Variants in FIG4 observed in about 807,000 individuals in gnomAD.
FIG4 encodes the protein polyphosphoinositide phosphatase.
FIG4 carries 112 observed loss-of-function variants against 118.6 expected under a neutral mutation model. The observed-to-expected ratio is 0.94, with a 90% CI of 0.81 to 1.11. The LOEUF (loss-of-function observed/expected upper bound fraction) is 1.11. Ranked by LOEUF, FIG4 falls within the 50% of genes least tolerant of loss-of-function variation. FIG4 has a pLI of 0.00. For synonymous variants in FIG4, 369 were observed against 381.2 expected (o/e 0.97, Z 0.37); for missense variants, 969 against 1,111.7 (o/e 0.87, Z 1.83).
chr6:109,753,639 T>G (rs374610534), intron 10 of FIG4, among the ~76,000 whole-genome samples: 1 of 152,212 alleles, frequency 6.6e-6, no homozygotes, highest in East Asian at 1.9e-4. Flanking sequence ...TTTGTAGTCC[T>G]CCTTGAAGAG....
chr6:109,720,575 C>A, intron 3 of FIG4, among the ~76,000 whole-genome samples: 1 of 152,194 alleles, frequency 6.6e-6, no homozygotes, highest in Non-Finnish European at 1.5e-5. Flanking sequence ...ACCAACACCA[C>A]ATGTGACTTA....
chr6:109,722,250 A>G (rs916074546), intron 3 of FIG4, among the ~76,000 whole-genome samples: 18 of 151,854 alleles, frequency 1.2e-4, no homozygotes, highest in African/African-American at 4.3e-4. Context: ...TTTTTAAAAA[A>G]CACTTTGTGT....
intron 1 of FIG4, among the ~76,000 whole-genome samples, chr6:109,695,826 G>A (rs1442385842): frequency 7.9e-5 from 12 of 152,172 alleles, no homozygotes. Flanking sequence ...GCTCTTGTCT[G>A]CAGCTGATCT....
intron 22 of FIG4, among the ~76,000 whole-genome samples, chr6:109,801,823 C>T (rs1373663913): frequency 6.6e-6 from 1 of 152,204 alleles, no homozygotes; most frequent in Non-Finnish European, 1.5e-5. Context: ...ACACATTCTT[C>T]ACATACAAGT....
At chr6:109,784,464 C>T (rs903652688) in intron 16 of FIG4, among the ~76,000 whole-genome samples, 1 of 152,184 alleles carries the variant, frequency 6.6e-6, no homozygotes, top group Non-Finnish European at 1.5e-5. Context: ...CTAATTCGTT[C>T]CTTAATGATT....
At chr6:109,795,094 AGTTTTTTTTT>A (rs1778240413) in intron 21 of FIG4, among the ~76,000 whole-genome samples, 3 of 77,214 alleles carry the variant, frequency 3.9e-5, no homozygotes, top group African/African-American at 1.2e-4. Context: ...TACACTTGCC[AGTTTTTTTTT>A]TTTTTTTTTT....
chr6:109,786,570 AC>A, intron 18 of FIG4, 121 bp downstream of exon 18: 3 of 959,910 alleles, frequency 3.1e-6, no homozygotes, highest in Non-Finnish European at 3.3e-6. Context: ...TGGGTAGTCC[AC>A]CTTTGAATAC....
At chr6:109,711,595 T>A (rs1775264657) in intron 1 of FIG4, among the ~76,000 whole-genome samples, 3 of 152,144 alleles carry the variant, frequency 2.0e-5, no homozygotes, top group Admixed American at 1.3e-4. Flanking sequence ...AACCCCTGCT[T>A]TTTTCTGTTT....
intron 16 of FIG4, among the ~76,000 whole-genome samples, chr6:109,783,211 G>T (rs920089205): frequency 6.6e-6 from 1 of 152,120 alleles, no homozygotes; most frequent in African/African-American, 2.4e-5. Context: ...AAACCACTAT[G>T]GCACACATTT....
chr6:109,725,179 T>C (rs1399060326), intron 3 of FIG4, among the ~76,000 whole-genome samples: 2 of 152,162 alleles, frequency 1.3e-5, no homozygotes, highest in African/African-American at 4.8e-5. Flanking sequence ...GGTGGTTTGC[T>C]GTACCTATCA....
chr6:109,797,250 T>C (rs936894806), intron 22 of FIG4, among the ~76,000 whole-genome samples: 1 of 152,232 alleles, frequency 6.6e-6, no homozygotes, highest in Non-Finnish European at 1.5e-5. Context: ...TTGCTGTAAG[T>C]TAAACAGGTG....
chr6:109,773,020 G>T (rs1477329635), intron 15 of FIG4, among the ~76,000 whole-genome samples: 1 of 152,166 alleles, frequency 6.6e-6, no homozygotes, highest in Non-Finnish European at 1.5e-5. Flanking sequence ...GCAGCTATTG[G>T]ACTGATGTCC....
At chr6:109,778,298 T>TA (rs56412248) in intron 16 of FIG4, among the ~76,000 whole-genome samples, 37,551 of 140,384 alleles carry the variant, frequency 0.27, 4,802 homozygotes, top group Middle Eastern at 0.34. Flanking sequence ...CCATCTCTAC[T>TA]AAAAAAAAAA....
intron 7 of FIG4, 138 bp from the exon 8 acceptor site, chr6:109,741,306 T>C (rs1776315857): frequency 1.1e-5 from 8 of 755,864 alleles, no homozygotes; most frequent in South Asian, 9.6e-5. Context: ...TCAAGTGCTG[T>C]TCCATTCTTG....
chr6:109,733,927 T>C (rs1438023403), intron 5 of FIG4, among the ~76,000 whole-genome samples: 1 of 152,018 alleles, frequency 6.6e-6, no homozygotes, highest in Non-Finnish European at 1.5e-5. Flanking sequence ...TTTTTGTGCC[T>C]CATAAGTAGG....
chr6:109,752,864 T>G (rs1304241169), intron 10 of FIG4, among the ~76,000 whole-genome samples: 1 of 152,210 alleles, frequency 6.6e-6, no homozygotes, highest in African/African-American at 2.4e-5. Context: ...TTTGTCAATT[T>G]TGGCTTTTGT....
chr6:109,737,653 C>T (rs1776197724), intron 6 of FIG4, among the ~76,000 whole-genome samples: 1 of 152,114 alleles, frequency 6.6e-6, no homozygotes, highest in Non-Finnish European at 1.5e-5. Flanking sequence ...TTTTTCACTT[C>T]ATGTAAGTTT....
rs150761094 is a variant in FIG4 at position 109,801,012 on chromosome 6, G to T, written c.2546+4161G>T. 2.0e-5 allele frequency among the ~76,000 whole-genome samples: 3 copies of T among 152,138 alleles called. No homozygotes were observed. The East Asian group carries it at 5.8e-4, about 29-fold the overall frequency. ...CACTATATTCGTGCAAGACCAACAC[G>T]TTCTCATTTTACACTCCTACCAGTT... On this transcript the variant is annotated intron_variant, in intron 22 of 22. Transcript: ENST00000230124.
At position 109,770,398 on chromosome 6, in the gene FIG4, G is replaced by A. The variant is rs577910043; in HGVS notation, c.1750+3503G>A. On this transcript the variant is annotated intron_variant, in intron 15 of 22. Transcript: ENST00000230124. Reference sequence around the variant, plus strand: ...AACATAAATATGTACACCCACATGCGTGTGCATAATTTGAATGTAGTGAAT... The same window carrying A: ...AACATAAATATGTACACCCACATGCATGTGCATAATTTGAATGTAGTGAAT... Among the ~76,000 whole-genome samples, 5 of 152,264 alleles carry A rather than the reference G, an allele frequency of 3.3e-5. No homozygotes were observed. The East Asian group carries it at 5.8e-4, about 18-fold the overall frequency.
Sources: gnomAD v4.1 joint callset for allele counts (sites outside exome capture counted in the v4.1 genomes callset) on GRCh38, gnomAD v4.1.1 for gene constraint, MANE v1.5 for transcripts, NCBI Gene and HGNC (gene_info 2026-07-23, HGNC 2026-07-21) for gene names.